Variants in PAM observed in about 807,000 individuals in gnomAD.
The protein encoded by PAM is peptidyl-glycine alpha-amidating monooxygenase.
A neutral mutation model predicts 122.1 loss-of-function variants in PAM; 72 were observed. The ratio of observed to expected loss-of-function variants is 0.59; its 90% confidence interval spans 0.49 to 0.72. The LOEUF is 0.72. Among genes scored for constraint, PAM ranks in the 30% least tolerant of loss-of-function variants. The pLI, the probability that PAM is intolerant of heterozygous loss-of-function variation, is 0.00. For synonymous variants in PAM, 389 were observed against 404.4 expected (o/e 0.96, Z 0.46); for missense variants, 1,106 against 1,183.7 (o/e 0.93, Z 0.96).
At chr5:102,824,181 C>T (rs1772890099) in intron 1 of PAM, among the ~76,000 whole-genome samples, 1 of 152,212 alleles carries the variant, frequency 6.6e-6, no homozygotes, top group South Asian at 2.1e-4. Flanking sequence ...AAGAAAAAGG[C>T]TGTTGAGTTC....
intron 15 of PAM, among the ~76,000 whole-genome samples, chr5:102,985,073 T>C (rs1771304105): frequency 1.3e-5 from 2 of 151,876 alleles, no homozygotes; most frequent in Admixed American, 6.6e-5. Flanking sequence ...CTATGGAATA[T>C]AGCAAAAGCA....
intron 14 of PAM, among the ~76,000 whole-genome samples, chr5:102,966,779 GC>G (rs1764205839): frequency 6.6e-6 from 1 of 152,076 alleles, no homozygotes; most frequent in African/African-American, 2.4e-5. Flanking sequence ...TGGCTAAACT[GC>G]TGCTGAACAT....
intron 7 of PAM, among the ~76,000 whole-genome samples, chr5:102,927,153 C>G (rs559529943): frequency 6.6e-6 from 1 of 152,284 alleles, no homozygotes; most frequent in East Asian, 1.9e-4. Context: ...TTGTCCACTG[C>G]TGTAAGGCAC....
intron 1 of PAM, among the ~76,000 whole-genome samples, chr5:102,764,179 A>G (rs1753215385): frequency 6.6e-6 from 1 of 152,106 alleles, no homozygotes; most frequent in Admixed American, 6.6e-5. Flanking sequence ...GGCTCTAGGA[A>G]TAAAACTCTG....
intron 1 of PAM, among the ~76,000 whole-genome samples, chr5:102,788,657 T>C (rs1394747521): frequency 2.6e-5 from 4 of 152,160 alleles, no homozygotes; most frequent in Non-Finnish European, 4.4e-5. Context: ...GAGTAACAGA[T>C]CATAACATCT....
chr5:102,853,616 T>G (rs1781866999), intron 1 of PAM, among the ~76,000 whole-genome samples: 1 of 152,258 alleles, frequency 6.6e-6, no homozygotes, highest in African/African-American at 2.4e-5. Context: ...CAGATTATTT[T>G]TGTTTCTCAC....
intron 3 of PAM, among the ~76,000 whole-genome samples, chr5:102,893,776 T>C (rs952427179): frequency 6.6e-6 from 1 of 151,774 alleles, no homozygotes; most frequent in African/African-American, 2.4e-5. Context: ...TCAACAAGCA[T>C]CCATTGAAAT....
chr5:102,888,906 A>G (rs978122865), intron 3 of PAM, among the ~76,000 whole-genome samples: 3 of 151,996 alleles, frequency 2.0e-5, no homozygotes, highest in African/African-American at 4.8e-5. Context: ...TTGAAATGTA[A>G]TCCTATCCAT....
At chr5:102,845,228 G>A (rs1779679385) in intron 1 of PAM, among the ~76,000 whole-genome samples, 1 of 152,212 alleles carries the variant, frequency 6.6e-6, no homozygotes, top group Non-Finnish European at 1.5e-5. Flanking sequence ...TGCTGCACAT[G>A]AGATGAGAGG....
chr5:102,966,802 T>A (rs907515805), intron 14 of PAM, among the ~76,000 whole-genome samples: 3 of 152,106 alleles, frequency 2.0e-5, no homozygotes, highest in Admixed American at 2.0e-4. Context: ...CTATTTACTC[T>A]CCTTATATTA....
chr5:102,886,935 G>C lies in PAM; in HGVS notation c.211-14421G>C, dbSNP rs150121393. ...GAATCTACACCTAGTTATTTCTTCT[G>C]TTCTTCAATACAGGTAGGAAAGTAA... On this transcript the variant is annotated intron_variant, in intron 3 of 25. Transcript: ENST00000438793. Among the ~76,000 whole-genome samples, 46 of 152,166 alleles carry C rather than the reference G, an allele frequency of 3.0e-4. 1 individual carries two copies. The East Asian group carries it at 7.8e-3, about 26-fold the overall frequency.
chr5:102,888,715 T>G (rs767912509), intron 3 of PAM, among the ~76,000 whole-genome samples: 1 of 151,920 alleles, frequency 6.6e-6, no homozygotes, highest in Non-Finnish European at 1.5e-5. Context: ...ATTCCTCCCT[T>G]CCTGTGTGAA....
chr5:102,896,224 C>T (rs1392843292), intron 3 of PAM, among the ~76,000 whole-genome samples: 3 of 151,630 alleles, frequency 2.0e-5, no homozygotes, highest in Non-Finnish European at 4.4e-5. Flanking sequence ...ATTTGTAATT[C>T]CCATAGAAGA....
intron 1 of PAM, among the ~76,000 whole-genome samples, chr5:102,799,078 A>G (rs1764060812): frequency 6.6e-6 from 1 of 152,236 alleles, no homozygotes; most frequent in Admixed American, 6.5e-5. Flanking sequence ...GTAAGAAACC[A>G]TCAACTGAAG....
At chr5:102,777,479 A>G (rs1276604786) in intron 1 of PAM, among the ~76,000 whole-genome samples, 2 of 152,134 alleles carry the variant, frequency 1.3e-5, no homozygotes, top group Non-Finnish European at 2.9e-5. Flanking sequence ...CTCTATAAAT[A>G]TTAGTTAAAT....
intron 3 of PAM, among the ~76,000 whole-genome samples, chr5:102,892,146 G>A (rs575049922): frequency 3.9e-4 from 59 of 151,876 alleles, no homozygotes; most frequent in Middle Eastern, 6.8e-3. Context: ...AGGACCTTAA[G>A]GAAGAGACTT....
chr5:102,868,695 T>C (rs1342561180), intron 3 of PAM, among the ~76,000 whole-genome samples: 5 of 151,760 alleles, frequency 3.3e-5, no homozygotes, highest in African/African-American at 1.2e-4. Flanking sequence ...TTTTAAAATA[T>C]CCACTAATTG....
At chr5:102,917,576 T>C (rs1561879116) in intron 5 of PAM, among the ~76,000 whole-genome samples, 1 of 152,180 alleles carries the variant, frequency 6.6e-6, no homozygotes, top group African/African-American at 2.4e-5. Context: ...AAACTTGGAT[T>C]TCCTCTTTTC....
intron 5 of PAM, among the ~76,000 whole-genome samples, chr5:102,918,334 G>T (rs1021261022): frequency 6.6e-6 from 1 of 152,078 alleles, no homozygotes; most frequent in Non-Finnish European, 1.5e-5. Context: ...GTGCTCTATA[G>T]ACTTAATTCA....
Sources: allele counts gnomAD v4.1 joint callset (sites outside exome capture counted in the v4.1 genomes callset), GRCh38; gene constraint gnomAD v4.1.1; transcripts MANE v1.5; gene names NCBI Gene and HGNC (gene_info 2026-07-23, HGNC 2026-07-21).